GAP43: variants seen among roughly 807,000 people sequenced by gnomAD.
GAP43 encodes the protein neuromodulin.
GAP43 carries 6 observed loss-of-function variants against 18.6 expected under a neutral mutation model. The observed-to-expected ratio is 0.32, with a 90% confidence interval of 0.18 to 0.64. The LOEUF (loss-of-function observed/expected upper bound fraction) is 0.64. Ranked by LOEUF, GAP43 falls within the 30% of genes least tolerant of loss-of-function variation. The probability of loss-of-function intolerance (pLI) is 0.78; values close to 1 mark genes in which losing one functional copy is unlikely to be tolerated. For missense variants in GAP43, 292 were observed against 295.5 expected, an observed-to-expected ratio of 0.99 and a Z score of 0.09; for synonymous variants, 115 against 111.4, an observed-to-expected ratio of 1.03 and a Z score of -0.20.
At chr3:115,702,101 G>A (rs1437032739) in intron 2 of GAP43, among the ~76,000 whole-genome samples, 1 of 152,064 alleles carries the variant, frequency 6.6e-6, no homozygotes, top group Non-Finnish European at 1.5e-5. Flanking sequence ...TAAAGACATA[G>A]GATTGGAGCC....
At chr3:115,664,611 C>T (rs1047124884) in intron 1 of GAP43, among the ~76,000 whole-genome samples, 4 of 152,072 alleles carry the variant, frequency 2.6e-5, no homozygotes, top group Non-Finnish European at 1.5e-5. Flanking sequence ...AAAACCATGC[C>T]AGGTAGCAAG....
chr3:115,626,832 C>T (rs564577574), intron 1 of GAP43, among the ~76,000 whole-genome samples: 28 of 152,150 alleles, frequency 1.8e-4, no homozygotes, highest in African/African-American at 4.3e-4. Context: ...AGAGTGTGAT[C>T]TGTGGTTTAA....
intron 2 of GAP43, among the ~76,000 whole-genome samples, chr3:115,699,674 C>CT (rs928979317): frequency 6.6e-6 from 1 of 152,192 alleles, no homozygotes; most frequent in Admixed American, 6.5e-5. Flanking sequence ...AACTTGCTGT[C>CT]TTGTCATATC....
In GAP43 at chr3:115,641,510, T is replaced by TCACA. The variant is rs376412583; in HGVS notation, c.30+17821_30+17824dup. ...GTGCATATATTATACATATATATAT[T>TCACA]CACACACACACACACACACACACAC... On this transcript the variant is annotated intron_variant, in intron 1 of 2. Transcript: ENST00000305124. Among the ~76,000 whole-genome samples the TCACA allele has an allele frequency of 2.9e-3, 312 of 107,050 alleles. 1 individual carries two copies. Among genetic ancestry groups the TCACA allele is most frequent in the South Asian group, 6.6e-3 (19 of 2,880 alleles). The allele number at this position is 107,050 out of a possible 152,430, so 70.2% of individuals were successfully genotyped here.
chr3:115,708,869 G>A (rs1033757489), intron 2 of GAP43, among the ~76,000 whole-genome samples: 6 of 151,592 alleles, frequency 4.0e-5, no homozygotes, highest in Admixed American at 6.6e-5. Flanking sequence ...TGAAAGGCAC[G>A]TGGAGAGATG....
intron 2 of GAP43, among the ~76,000 whole-genome samples, chr3:115,704,836 T>C (rs554547179): frequency 1.3e-5 from 2 of 152,236 alleles, no homozygotes; most frequent in South Asian, 2.1e-4. Flanking sequence ...CATCTTTAGC[T>C]TTTCTCATAG....
intron 2 of GAP43, among the ~76,000 whole-genome samples, chr3:115,684,614 G>A (rs910579857): frequency 3.3e-5 from 5 of 152,116 alleles, no homozygotes; most frequent in African/African-American, 1.2e-4. Context: ...GTAGAGAATG[G>A]CTCCAGGAAC....
intron 2 of GAP43, among the ~76,000 whole-genome samples, chr3:115,686,900 C>G (rs1047603925): frequency 6.6e-6 from 1 of 152,086 alleles, no homozygotes; most frequent in African/African-American, 2.4e-5. Flanking sequence ...AGATGCTTTT[C>G]GTGCTAGGAG....
At chr3:115,683,141 GCGCGCGCACACACACACACA>G (rs1428783952) in intron 2 of GAP43, among the ~76,000 whole-genome samples, 2 of 121,394 alleles carry the variant, frequency 1.6e-5, no homozygotes, top group South Asian at 5.4e-4. Context: ...GCGTGCGCGC[GCGCGCGCACACACACACACA>G]CACACACACA....
chr3:115,679,217 A>G (rs1418736437), intron 2 of GAP43, among the ~76,000 whole-genome samples: 1 of 152,160 alleles, frequency 6.6e-6, no homozygotes, highest in Non-Finnish European at 1.5e-5. Flanking sequence ...ATAGGTACAA[A>G]GAGAAAATCT....
chr3:115,630,309 G>C (rs16823941), intron 1 of GAP43, among the ~76,000 whole-genome samples: 30,556 of 152,052 alleles, frequency 0.2, 3,174 homozygotes, highest in Non-Finnish European at 0.23. Context: ...CTTTTCTTCC[G>C]TCTGAAGTAT....
intron 2 of GAP43, among the ~76,000 whole-genome samples, chr3:115,696,578 G>GC (rs71141833): frequency 0.053 from 2,923 of 55,078 alleles, 206 homozygotes; most frequent in African/African-American, 0.15. Context: ...GCCCCCCACC[G>GC]CCCCCCCCCC....
chr3:115,647,080 A>G (rs1708466533), intron 1 of GAP43, among the ~76,000 whole-genome samples: 1 of 152,034 alleles, frequency 6.6e-6, no homozygotes, highest in Non-Finnish European at 1.5e-5. Flanking sequence ...TATCACTGAG[A>G]TAGTATTAGG....
intron 1 of GAP43, among the ~76,000 whole-genome samples, chr3:115,638,318 G>T (rs548770171): frequency 6.6e-6 from 1 of 152,148 alleles, no homozygotes; most frequent in South Asian, 2.1e-4. Flanking sequence ...TCTAGTTTCT[G>T]CTTAACAACC....
chr3:115,633,953 A>G (rs1708296617), intron 1 of GAP43, among the ~76,000 whole-genome samples: 1 of 152,234 alleles, frequency 6.6e-6, no homozygotes, highest in Non-Finnish European at 1.5e-5. Context: ...TCTTGAATTA[A>G]TTCCAGCAAT....
chr3:115,707,655 C>A (rs932126860), intron 2 of GAP43, among the ~76,000 whole-genome samples: 1 of 152,044 alleles, frequency 6.6e-6, no homozygotes, highest in Non-Finnish European at 1.5e-5. Context: ...TACTACTTTG[C>A]GCATCTAAAA....
intron 2 of GAP43, among the ~76,000 whole-genome samples, chr3:115,711,509 AC>A: frequency 6.6e-6 from 1 of 150,454 alleles, no homozygotes; most frequent in Non-Finnish European, 1.5e-5. Context: ...ACACACACAC[AC>A]ACCCCCCTAC....
intron 2 of GAP43, among the ~76,000 whole-genome samples, chr3:115,689,838 G>C (rs896978620): frequency 6.6e-6 from 1 of 152,174 alleles, no homozygotes; most frequent in African/African-American, 2.4e-5. Context: ...AGGGGAGGCA[G>C]AAAGAATAAG....
At chr3:115,717,216 A>G (rs956498585) in intron 2 of GAP43, among the ~76,000 whole-genome samples, 1 of 152,116 alleles carries the variant, frequency 6.6e-6, no homozygotes, top group African/African-American at 2.4e-5. Context: ...GAGCTGAAGT[A>G]GGTACTGCTG....
Sources: allele counts gnomAD v4.1 joint callset (sites outside exome capture counted in the v4.1 genomes callset), GRCh38; gene constraint gnomAD v4.1.1; transcripts MANE v1.5; gene names NCBI Gene and HGNC (gene_info 2026-07-23, HGNC 2026-07-21).